The following LRP1B variants were observed in gnomAD, a reference collection of about 807,000 sequenced individuals.
LRP1B encodes the protein low-density lipoprotein receptor-related protein 1B.
LRP1B carries 217 observed loss-of-function variants against 556.6 expected under a neutral mutation model. The observed-to-expected ratio is 0.39, with a 90% CI of 0.35 to 0.44. LRP1B has a LOEUF of 0.44. Ranked by LOEUF, LRP1B falls within the 20% of genes least tolerant of loss-of-function variation. The pLI is 1.00. For missense variants in LRP1B, 5,053 were observed against 5,620.8 expected (o/e 0.90, Z 3.23); for synonymous variants, 2,047 against 1,865.8 (o/e 1.10, Z -2.50).
In LRP1B at chr2:141,055,115, C is replaced by G; in HGVS notation, c.1552+1G>C. ...GCAAATGTTTTATTTTAACAACATA[C>G]TTTTGCATGACCTGCCATCACTTCC... On this transcript the variant is annotated splice_donor_variant, in intron 10 of 90. Coordinates refer to ENST00000389484, the MANE Select transcript of LRP1B (RefSeq NM_018557.3). LOFTEE classifies it high-confidence loss of function. The G allele has an allele frequency of 6.2e-7, 1 of 1,611,528 alleles. No individual in the cohort carries two copies. The highest frequency in any genetic ancestry group is 8.5e-7 in the Non-Finnish European group (1 of 1,178,704).
intron 2 of LRP1B, among the ~76,000 whole-genome samples, chr2:141,700,803 G>A (rs1691915556): frequency 6.6e-6 from 1 of 151,580 alleles, no homozygotes; most frequent in South Asian, 2.1e-4. Context: ...AATTTCTCAG[G>A]GAATTAGAGG....
intron 1 of LRP1B, among the ~76,000 whole-genome samples, chr2:141,913,244 A>G (rs6429932): frequency 0.86 from 131,038 of 152,180 alleles, 56,575 homozygotes; most frequent in East Asian, 1. Flanking sequence ...AATAAAAAAT[A>G]AGTGAAAAGG....
intron 6 of LRP1B, among the ~76,000 whole-genome samples, chr2:141,228,000 C>T (rs984925714): frequency 8.5e-5 from 13 of 152,108 alleles, no homozygotes; most frequent in Non-Finnish European, 1.9e-4. Flanking sequence ...AATCTCGGCT[C>T]ACTGGAACCT....
chr2:141,510,497 T>G (rs1352913477), intron 2 of LRP1B, among the ~76,000 whole-genome samples: 2 of 152,086 alleles, frequency 1.3e-5, no homozygotes, highest in African/African-American at 4.8e-5. Context: ...TCGCACACCT[T>G]TTTCCTTTTA....
chr2:140,837,238 A>G (rs1691937552), intron 31 of LRP1B, among the ~76,000 whole-genome samples: 1 of 152,216 alleles, frequency 6.6e-6, no homozygotes, highest in Non-Finnish European at 1.5e-5. Context: ...TAAGGAAACC[A>G]AGGACACCAA....
chr2:141,514,148 C>A (rs904076152), intron 2 of LRP1B, among the ~76,000 whole-genome samples: 1 of 152,108 alleles, frequency 6.6e-6, no homozygotes, highest in African/African-American at 2.4e-5. Context: ...GCTCCACTGA[C>A]CCCCTCAACC....
At chr2:141,238,013 A>C (rs943574862) in intron 5 of LRP1B, among the ~76,000 whole-genome samples, 9 of 152,212 alleles carry the variant, frequency 5.9e-5, no homozygotes, top group African/African-American at 2.2e-4. Flanking sequence ...AGTACAATGA[A>C]ATAAATAATG....
At chr2:141,303,400 TC>T (rs943231451) in intron 3 of LRP1B, among the ~76,000 whole-genome samples, 1 of 152,146 alleles carries the variant, frequency 6.6e-6, no homozygotes, top group Non-Finnish European at 1.5e-5. Context: ...TACAGTTGTA[TC>T]CATTAGTCAA....
At chr2:140,790,775 T>C (rs957379078) in intron 32 of LRP1B, among the ~76,000 whole-genome samples, 2 of 152,080 alleles carry the variant, frequency 1.3e-5, no homozygotes, top group Non-Finnish European at 2.9e-5. Context: ...GCAATTTTAA[T>C]CACCCTGCAA....
intron 1 of LRP1B, among the ~76,000 whole-genome samples, chr2:142,100,381 C>T (rs1395429520): frequency 6.6e-6 from 1 of 151,938 alleles, no homozygotes; most frequent in Non-Finnish European, 1.5e-5. Context: ...AGAAGCAACA[C>T]CAACATCCAG....
chr2:140,585,412 C>A (rs1456880322), intron 43 of LRP1B, among the ~76,000 whole-genome samples: 1 of 152,090 alleles, frequency 6.6e-6, no homozygotes, highest in South Asian at 2.1e-4. Context: ...CATCATACTG[C>A]TTCCTGAAAA....
intron 41 of LRP1B, among the ~76,000 whole-genome samples, chr2:140,602,890 T>C (rs1274490256): frequency 6.6e-6 from 1 of 152,026 alleles, no homozygotes; most frequent in African/African-American, 2.4e-5. Context: ...GTGAAGTTTG[T>C]GTCATAATTT....
rs566013788 is a variant in LRP1B at position 140,484,355 on chromosome 2, G to A, written c.9425+988C>T. ...ATGAGGGACCAAAAAAATTAACAGAGATACATTAACGAGAAGCAAAATCTA... is the reference window on the plus strand; with the variant it reads ...ATGAGGGACCAAAAAAATTAACAGAAATACATTAACGAGAAGCAAAATCTA... On this transcript the variant is annotated intron_variant, in intron 59 of 90. Transcript: ENST00000389484. 3.3e-5 allele frequency among the ~76,000 whole-genome samples: 5 copies of A among 152,166 alleles called. No homozygotes were observed. In the South Asian group the frequency reaches 1.0e-3, roughly 32 times the overall value.
At chr2:140,748,323 T>TATTC (rs1559093897) in intron 35 of LRP1B, among the ~76,000 whole-genome samples, 1 of 124,784 alleles carries the variant, frequency 8.0e-6, no homozygotes, top group East Asian at 2.3e-4. Context: ...TCATATATAA[T>TATTC]ATATATTATA....
chr2:141,153,282 T>C lies in LRP1B; in HGVS notation c.1013+35139A>G, dbSNP rs903296966. ...TATATTTATAATAATATATATAAGCTATATATATTTATATATAATATATTA... is the reference window on the plus strand; with the variant it reads ...TATATTTATAATAATATATATAAGCCATATATATTTATATATAATATATTA... On this transcript the variant is annotated intron_variant, in intron 7 of 90. Transcript: ENST00000389484. Among the ~76,000 whole-genome samples, 84 of 124,986 alleles carry C rather than the reference T, an allele frequency of 6.7e-4. 1 individual carries two copies. The highest frequency in any genetic ancestry group is 3.2e-3 in the Admixed American group (33 of 10,430). 82.0% of individuals were successfully genotyped at this position (124,986 alleles called of 152,430 possible).
chr2:140,831,745 T>G (rs1691724443), intron 31 of LRP1B, among the ~76,000 whole-genome samples: 1 of 152,078 alleles, frequency 6.6e-6, no homozygotes, highest in African/African-American at 2.4e-5. Context: ...ATCTACAGAA[T>G]GGAAGAAAAT....
At position 141,965,989 on chromosome 2, in the gene LRP1B, T is replaced by C. The variant is rs529898123; in HGVS notation, c.83-155588A>G. Among the ~76,000 whole-genome samples the C allele has an allele frequency of 3.3e-3, 500 of 151,820 alleles. 3 individuals are homozygous for C. Among genetic ancestry groups the C allele is most frequent in the African/African-American group, 0.011 (461 of 41,482 alleles). On this transcript the variant is annotated intron_variant, in intron 1 of 90. Transcript: ENST00000389484. The stretch of plus-strand genomic sequence containing the variant: ...CTCATCACTGACTAATTCCACCAAC[T>C]AGCACCTTTCTTACCTAAGGCTGGT...
intron 2 of LRP1B, among the ~76,000 whole-genome samples, chr2:141,685,834 T>C (rs1243311834): frequency 6.6e-6 from 1 of 152,044 alleles, no homozygotes. Context: ...AGAAAACTAA[T>C]ACAATATCTT....
chr2:142,075,063 A>C (rs1705449570), intron 1 of LRP1B, among the ~76,000 whole-genome samples: 1 of 152,136 alleles, frequency 6.6e-6, no homozygotes, highest in Non-Finnish European at 1.5e-5. Flanking sequence ...TTTATCTTTC[A>C]ATCTTCATTA....
Sources: gnomAD v4.1 joint callset for allele counts (sites outside exome capture counted in the v4.1 genomes callset) on GRCh38, gnomAD v4.1.1 for gene constraint, MANE v1.5 for transcripts, NCBI Gene and HGNC (gene_info 2026-07-23, HGNC 2026-07-21) for gene names.